TAF4B: variants seen among roughly 807,000 people sequenced by gnomAD.
The protein encoded by TAF4B is TATA-box binding protein associated factor 4b, also known as transcription initiation factor TFIID subunit 4B.
In TAF4B, 38 loss-of-function variants were observed where a neutral mutation model predicts 86.4. The ratio of observed to expected loss-of-function variants is 0.44; its 90% CI spans 0.34 to 0.58. The LOEUF (loss-of-function observed/expected upper bound fraction) is 0.58. Ranked by LOEUF, TAF4B falls within the 20% of genes least tolerant of loss-of-function variation. The pLI is 0.02. For synonymous variants in TAF4B, 388 were observed against 391.2 expected, an observed-to-expected ratio of 0.99 and a Z score of 0.10; for missense variants, 988 against 1,027.6, an observed-to-expected ratio of 0.96 and a Z score of 0.53.
chr18:26,339,758 G>T (rs1043933817), intron 13 of TAF4B, among the ~76,000 whole-genome samples: 1 of 152,122 alleles, frequency 6.6e-6, no homozygotes, highest in African/African-American at 2.4e-5. Flanking sequence ...CTGGCCCTCG[G>T]TATTTTCTTT....
chr18:26,286,597 C>A, intron 7 of TAF4B, 98 bp downstream of exon 7: 3 of 1,327,416 alleles, frequency 2.3e-6, no homozygotes, highest in African/African-American at 1.5e-5. Context: ...AGGCTATATA[C>A]TGTTTACGGG....
intron 14 of TAF4B, among the ~76,000 whole-genome samples, chr18:26,365,169 G>T (rs943072485): frequency 2.6e-5 from 4 of 151,816 alleles, no homozygotes; most frequent in African/African-American, 9.7e-5. Context: ...ACCACACCCA[G>T]CTAATTTTTG....
chr18:26,256,419 G>A, intron 1 of TAF4B: 1 of 914,292 alleles, frequency 1.1e-6, no homozygotes, highest in Non-Finnish European at 1.8e-6. Context: ...CGTCCCCGAG[G>A]TGCAGAGTGC....
chr18:26,277,568 A>C (rs1286427382), intron 5 of TAF4B, among the ~76,000 whole-genome samples: 1 of 152,172 alleles, frequency 6.6e-6, no homozygotes, highest in Non-Finnish European at 1.5e-5. Flanking sequence ...TTCTGCATTT[A>C]ATCTGTTTTG....
chr18:26,353,015 C>T (rs1320272050), intron 13 of TAF4B, among the ~76,000 whole-genome samples: 1 of 152,156 alleles, frequency 6.6e-6, no homozygotes, highest in Non-Finnish European at 1.5e-5. Context: ...ATTAATACCA[C>T]TTCTACACAG....
At chr18:26,243,430 T>A (rs1047367270) in intron 1 of TAF4B, among the ~76,000 whole-genome samples, 10 of 152,220 alleles carry the variant, frequency 6.6e-5, no homozygotes, top group Non-Finnish European at 1.5e-5. Flanking sequence ...TTCAGCTCCC[T>A]CAGGTCATTT....
chr18:26,280,431 T>C (rs2056433944), intron 5 of TAF4B, among the ~76,000 whole-genome samples: 2 of 152,120 alleles, frequency 1.3e-5, no homozygotes, highest in Non-Finnish European at 2.9e-5. Context: ...AAAGGTCTAA[T>C]ATACAGAATC....
In TAF4B at chr18:26,252,534, G is replaced by A. The variant is rs148749394; in HGVS notation, c.344-12636G>A. ...AGAAATAAACAATTTGTTTTAAATCGTGTGCCATTCTGAGTATCGTGATGA... is the reference window on the plus strand; with the variant it reads ...AGAAATAAACAATTTGTTTTAAATCATGTGCCATTCTGAGTATCGTGATGA... On this transcript the variant is annotated intron_variant, in intron 1 of 14. Coordinates refer to ENST00000269142, the MANE Select transcript of TAF4B (RefSeq NM_005640.3). Among the ~76,000 whole-genome samples, 1,475 of 152,036 alleles carry A rather than the reference G, an allele frequency of 9.7e-3. 12 individuals are homozygous for A. The highest frequency in any genetic ancestry group is 0.033 in the African/African-American group (1,369 of 41,490).
At chr18:26,288,005 G>T (rs980069248) in intron 7 of TAF4B, among the ~76,000 whole-genome samples, 1 of 152,194 alleles carries the variant, frequency 6.6e-6, no homozygotes, top group African/African-American at 2.4e-5. Context: ...TAATCTCAGA[G>T]ATGAAACAAC....
At chr18:26,276,015 CAAAA>C (rs374826135) in intron 5 of TAF4B, among the ~76,000 whole-genome samples, 3 of 75,928 alleles carry the variant, frequency 4.0e-5, no homozygotes, top group African/African-American at 9.6e-5. Flanking sequence ...GACTCTGTCT[CAAAA>C]AAAAAAAAAA....
intron 13 of TAF4B, among the ~76,000 whole-genome samples, chr18:26,352,323 A>G (rs1286786088): frequency 6.6e-6 from 1 of 151,974 alleles, no homozygotes; most frequent in African/African-American, 2.4e-5. Flanking sequence ...GATAGGAGAA[A>G]ATGCTTACAT....
At chr18:26,339,129 C>T (rs58631962) in intron 13 of TAF4B, among the ~76,000 whole-genome samples, 17,105 of 152,166 alleles carry the variant, frequency 0.11, 986 homozygotes, top group African/African-American at 0.14. Flanking sequence ...GGGCTGTCTT[C>T]TTTCCCTTTC....
At chr18:26,316,192 A>G (rs1050192199) in intron 10 of TAF4B, among the ~76,000 whole-genome samples, 1 of 152,092 alleles carries the variant, frequency 6.6e-6, no homozygotes, top group East Asian at 1.9e-4. Context: ...AAATATACTT[A>G]AGTAAGACCT....
At chr18:26,281,803 A>G (rs971575988) in intron 5 of TAF4B, among the ~76,000 whole-genome samples, 168 bp from the exon 6 acceptor site, 2 of 152,208 alleles carry the variant, frequency 1.3e-5, no homozygotes, top group African/African-American at 2.4e-5. Flanking sequence ...AAACATCTCT[A>G]TCATTTATGC....
intron 14 of TAF4B, among the ~76,000 whole-genome samples, chr18:26,360,190 T>C (rs570578976): frequency 2.6e-4 from 40 of 152,200 alleles, no homozygotes; most frequent in Admixed American, 8.5e-4. Flanking sequence ...AATTACCCTC[T>C]AAGTTGTATC....
intron 13 of TAF4B, among the ~76,000 whole-genome samples, chr18:26,357,041 A>G (rs2057293825): frequency 1.3e-5 from 2 of 152,128 alleles, no homozygotes. Flanking sequence ...TAAGACTTTT[A>G]TTTGCAAATG....
intron 5 of TAF4B, among the ~76,000 whole-genome samples, chr18:26,281,305 C>T (rs978428326): frequency 6.6e-6 from 1 of 151,998 alleles, no homozygotes; most frequent in African/African-American, 2.4e-5. Context: ...GTTACCTTTC[C>T]TTGAATGCTC....
intron 14 of TAF4B, among the ~76,000 whole-genome samples, chr18:26,359,072 T>A (rs867077368): frequency 7.2e-5 from 11 of 152,334 alleles, no homozygotes; most frequent in Non-Finnish European, 7.4e-5. Context: ...TGGGCACATA[T>A]ATGACATGCA....
chr18:26,317,343 C>T (rs558819260), intron 10 of TAF4B, among the ~76,000 whole-genome samples: 3 of 152,024 alleles, frequency 2.0e-5, no homozygotes, highest in Non-Finnish European at 4.4e-5. Flanking sequence ...CTTCCAAATT[C>T]TATTTCCAGT....
Sources: allele counts gnomAD v4.1 joint callset (sites outside exome capture counted in the v4.1 genomes callset), GRCh38; gene constraint gnomAD v4.1.1; transcripts MANE v1.5; gene names NCBI Gene and HGNC (gene_info 2026-07-23, HGNC 2026-07-21).